RAPGEF4: variants seen among roughly 807,000 people sequenced by gnomAD.
The protein encoded by RAPGEF4 is RAP guanine-nucleotide-exchange factor (GEF) 4.
Under a neutral mutation model 147.9 loss-of-function variants are expected in RAPGEF4, and 66 were observed. That is an observed-to-expected ratio of 0.45 (90% CI 0.37 to 0.55). The LOEUF (loss-of-function observed/expected upper bound fraction) is 0.55. Among genes scored for constraint, RAPGEF4 ranks in the 20% least tolerant of loss-of-function variants. RAPGEF4 has a pLI of 0.00. For missense variants in RAPGEF4, 1,071 were observed against 1,257.3 expected, an observed-to-expected ratio of 0.85 and a Z score of 2.24; for synonymous variants, 419 against 442.7, an observed-to-expected ratio of 0.95 and a Z score of 0.67.
chr2:172,786,682 C>G (rs1685239187), intron 1 of RAPGEF4, among the ~76,000 whole-genome samples: 1 of 152,078 alleles, frequency 6.6e-6, no homozygotes, highest in African/African-American at 2.4e-5. Context: ...CGAGACCAGC[C>G]TGGGAAATAT....
rs549829112 is a variant in RAPGEF4 at position 173,017,458 on chromosome 2, C to G, written c.1962C>G (p.Gly654=). 6.2e-7 allele frequency: 1 copy of G among 1,614,090 alleles called. No individual in the cohort carries two copies. The highest frequency in any genetic ancestry group is 8.5e-7 in the Non-Finnish European group (1 of 1,179,990). ...HKVLLQQFNT[G]DERAQKRQPI... ...TTCTTTTGCAACAGTTCAATACGGG[C>G]GATGAGAGAGCCCAGAAGCGCCAGC... Residue 654 remains glycine (G), a synonymous_variant, in exon 21 of 31, where the codon GGC becomes GGG. Coordinates refer to ENST00000397081, the MANE Select transcript of RAPGEF4 (RefSeq NM_007023.4).
chr2:173,048,611 A>G lies in RAPGEF4; in HGVS notation c.2865A>G (p.Ala955=). Residue 955 remains alanine (A), a synonymous_variant, in exon 30 of 31, where the codon GCA becomes GCG. Transcript: ENST00000397081. ...LVNFEKMRMI[A]NTARTVRYYR... ...TATATTCCTTTTAGCGCATGATTGC[A>G]AATACGGCCAGAACAGTGAGATACT... 1 of 1,614,128 alleles carries G rather than the reference A, an allele frequency of 6.2e-7. No homozygotes were observed.
rs1688575996 is a variant in RAPGEF4, at chr2:172,817,011, A to C, written c.444+2586A>C. On this transcript the variant is annotated intron_variant, in intron 4 of 30. Coordinates refer to ENST00000397081, the MANE Select transcript of RAPGEF4 (RefSeq NM_007023.4). The stretch of plus-strand genomic sequence containing the variant: ...TTCATTAATGGGCACACTTGTGCAC[A>C]TGCAGTACATGATAATCCTAAAAAG... Among the ~76,000 whole-genome samples the C allele has an allele frequency of 2.0e-5, 3 of 152,256 alleles. No homozygotes were observed. The South Asian group carries it at 6.2e-4, about 32-fold the overall frequency.
chr2:172,972,813 C>T (rs112607232), intron 10 of RAPGEF4, among the ~76,000 whole-genome samples: 30 of 152,132 alleles, frequency 2.0e-4, no homozygotes, highest in African/African-American at 7.0e-4. Flanking sequence ...TTGCTAAAGT[C>T]GATCTCTTTA....
chr2:172,856,806 A>G (rs573194211), intron 4 of RAPGEF4, among the ~76,000 whole-genome samples: 1 of 152,092 alleles, frequency 6.6e-6, no homozygotes, highest in Admixed American at 6.5e-5. Flanking sequence ...TCTAGCTGCT[A>G]TCATTTCCCT....
chr2:172,902,847 C>G (rs142489736), intron 4 of RAPGEF4, among the ~76,000 whole-genome samples: 11 of 152,242 alleles, frequency 7.2e-5, no homozygotes, highest in African/African-American at 2.6e-4. Flanking sequence ...TTGCAAAATT[C>G]CACCATAAAC....
rs569627906 is a variant in RAPGEF4 at position 172,877,187 on chromosome 2, A to G, written c.445-40615A>G. Among the ~76,000 whole-genome samples the G allele has an allele frequency of 2.0e-5, 3 of 152,342 alleles. No individual in the cohort carries two copies. The East Asian group carries it at 5.8e-4, about 29-fold the overall frequency. ...CACCATGGAATACTATGCAGGCATA[A>G]AAAAGGATGAGTTCATGTCCTTTGC... On this transcript the variant is annotated intron_variant, in intron 4 of 30. Coordinates refer to ENST00000397081, the MANE Select transcript of RAPGEF4 (RefSeq NM_007023.4).
intron 17 of RAPGEF4, among the ~76,000 whole-genome samples, chr2:173,011,042 C>T (rs207462654): frequency 6.6e-6 from 1 of 152,134 alleles, no homozygotes; most frequent in African/African-American, 2.4e-5. Context: ...TTCCCAGTCC[C>T]TCCGGATTTG....
At chr2:173,018,555 A>C (rs1695719593) in intron 21 of RAPGEF4, 101 bp from the exon 22 acceptor site, 2 of 1,339,590 alleles carry the variant, frequency 1.5e-6, no homozygotes, top group African/African-American at 2.9e-5. Context: ...AAAATGGCAA[A>C]ATGATGCAAA....
intron 12 of RAPGEF4, among the ~76,000 whole-genome samples, chr2:172,986,913 G>A (rs1270817619): frequency 1.3e-5 from 2 of 152,088 alleles, no homozygotes; most frequent in Non-Finnish European, 2.9e-5. Context: ...TGGCAGGCTG[G>A]TCTCAAACTC....
chr2:172,922,329 C>G (rs1684856610), intron 6 of RAPGEF4, 29 bp downstream of exon 6: 1 of 1,589,132 alleles, frequency 6.3e-7, no homozygotes, highest in Admixed American at 1.7e-5. Flanking sequence ...TGCCTATCTT[C>G]TAAAAATTGT....
intron 17 of RAPGEF4, among the ~76,000 whole-genome samples, chr2:173,011,567 C>G (rs927297921): frequency 1.3e-5 from 2 of 152,052 alleles, no homozygotes; most frequent in African/African-American, 2.4e-5. Context: ...TCTCTCCCCC[C>G]ACTCCTCCTT....
intron 4 of RAPGEF4, among the ~76,000 whole-genome samples, chr2:172,916,209 G>A (rs974647585): frequency 2.6e-5 from 4 of 152,196 alleles, no homozygotes; most frequent in Non-Finnish European, 5.9e-5. Context: ...CTTCCGTGGA[G>A]CTCATGGGGA....
chr2:172,741,624 A>G (rs1187546151), intron 1 of RAPGEF4, among the ~76,000 whole-genome samples: 1 of 152,206 alleles, frequency 6.6e-6, no homozygotes, highest in Non-Finnish European at 1.5e-5. Flanking sequence ...TTGTGGAAAA[A>G]ATCAAAATAT....
chr2:173,048,796 G>A, intron 30 of RAPGEF4, 142 bp downstream of exon 30: 1 of 1,448,362 alleles, frequency 6.9e-7, no homozygotes, highest in African/African-American at 1.4e-5. Context: ...ATGAGATAGG[G>A]GCCTTGAGTT....
intron 26 of RAPGEF4, 33 bp downstream of exon 26, chr2:173,030,287 T>C: frequency 6.5e-7 from 1 of 1,533,634 alleles, no homozygotes; most frequent in Non-Finnish European, 9.0e-7. Context: ...CTGTGACTTT[T>C]GCCTTAGGAA....
intron 8 of RAPGEF4, among the ~76,000 whole-genome samples, chr2:172,964,104 G>C (rs185074671): frequency 6.6e-6 from 1 of 152,052 alleles, no homozygotes; most frequent in East Asian, 1.9e-4. Flanking sequence ...TGATTTTTAC[G>C]ATTAATCAAT....
At chr2:172,767,795 A>G (rs1478079751) in intron 1 of RAPGEF4, among the ~76,000 whole-genome samples, 4 of 152,150 alleles carry the variant, frequency 2.6e-5, no homozygotes. Flanking sequence ...TGGAAAGCTT[A>G]AAAGATGACA....
intron 4 of RAPGEF4, among the ~76,000 whole-genome samples, chr2:172,855,860 CT>C (rs775311886): frequency 2.0e-5 from 3 of 152,032 alleles, no homozygotes; most frequent in Admixed American, 6.6e-5. Context: ...CATTTTCCCC[CT>C]GGTTGCTTTT....
Sources: allele counts gnomAD v4.1 joint callset (sites outside exome capture counted in the v4.1 genomes callset), GRCh38; gene constraint gnomAD v4.1.1; transcripts MANE v1.5; gene names NCBI Gene and HGNC (gene_info 2026-07-23, HGNC 2026-07-21).